TBC1D32: variants seen among roughly 807,000 people sequenced by gnomAD.
TBC1D32 encodes the protein protein broad-minded.
In TBC1D32, 151 loss-of-function variants were observed where a neutral mutation model predicts 170.3. The observed-to-expected ratio is 0.89, with a 90% confidence interval of 0.78 to 1.01. The LOEUF (loss-of-function observed/expected upper bound fraction) is 1.01. Ranked by LOEUF, TBC1D32 falls within the 50% of genes least tolerant of loss-of-function variation. TBC1D32 has a pLI of 0.00. For missense variants in TBC1D32, 1,464 were observed against 1,457.1 expected (o/e 1.00, Z -0.08); for synonymous variants, 498 against 488.0 (o/e 1.02, Z -0.27).
chr6:121,272,667 T>G (rs978441845), intron 15 of TBC1D32, among the ~76,000 whole-genome samples: 6 of 152,128 alleles, frequency 3.9e-5, no homozygotes, highest in South Asian at 4.1e-4. Context: ...GGTGGGACTG[T>G]AAACTAGTTC....
intron 22 of TBC1D32, among the ~76,000 whole-genome samples, chr6:121,180,156 A>C (rs1481511496): frequency 1.3e-5 from 2 of 152,134 alleles, no homozygotes; most frequent in Admixed American, 1.3e-4. Context: ...TGCAGATGTC[A>C]ATTCATCCAC....
At chr6:121,303,463 T>C (rs754035914) in intron 9 of TBC1D32, among the ~76,000 whole-genome samples, 154 bp downstream of exon 9, 2 of 152,110 alleles carry the variant, frequency 1.3e-5, no homozygotes, top group Non-Finnish European at 2.9e-5. Context: ...GGGGTATTAA[T>C]ACCACCAACC....
chr6:121,091,399 T>G (rs1453196325), intron 30 of TBC1D32, among the ~76,000 whole-genome samples: 2 of 147,790 alleles, frequency 1.4e-5, no homozygotes, highest in Non-Finnish European at 3.0e-5. Flanking sequence ...GAGATGGGAG[T>G]TTTTTTTTTC....
Position 121,115,205 on chromosome 6 carries a change from G to A in TBC1D32, c.3020C>T (p.Ser1007Phe), listed in dbSNP as rs745705955. ...DANVKNESLS[S>F]VQQLGIKMTV... ...CATTTTAATGCCAAGCTGCTGCACA[G>A]ATGAAAGACTTTCATTCTTCACATT... The change falls in exon 27 of 32, where the codon TCT becomes TTT. Residue 1007 changes from serine (S) to phenylalanine (F), a missense_variant. By Grantham distance (155) the Ser-to-Phe change is radical (BLOSUM62 -2). Around this residue, in one of 3 missense-constraint regions of TBC1D32, gnomAD observed 1,363 missense variants for 1,338.1 expected, o/e 1.02. Coordinates refer to ENST00000398212, the MANE Select transcript of TBC1D32 (RefSeq NM_152730.6). 1.4e-5 allele frequency: 23 copies of A among 1,602,102 alleles called. No individual in the cohort carries two copies. Among genetic ancestry groups the A allele is most frequent in the Non-Finnish European group, 2.0e-5 (23 of 1,172,968 alleles).
Position 121,080,691 on chromosome 6 carries a change from A to T in TBC1D32, c.*80T>A. On this transcript the variant is annotated 3_prime_UTR_variant, in exon 32 of 32. Transcript: ENST00000398212. ...GTATATTCACAAAGTAAATGTTGTT[A>T]CAGACACAGAAAAACATCAAGCCCC... 6.7e-7 allele frequency: 1 copy of T among 1,497,266 alleles called. No individual in the cohort carries two copies. Among genetic ancestry groups the T allele is most frequent in the African/African-American group, 1.4e-5 (1 of 70,710 alleles). 92.7% of individuals were successfully genotyped at this position (1,497,266 alleles called of 1,614,324 possible).
At chr6:121,241,353 A>G in intron 19 of TBC1D32, 112 bp downstream of exon 19, 3 of 913,436 alleles carry the variant, frequency 3.3e-6, no homozygotes, top group Non-Finnish European at 4.9e-6. Context: ...ACTTAGTAAA[A>G]AGAATTTTAG....
chr6:121,238,929 A>G (rs1295008029), intron 20 of TBC1D32, 141 bp downstream of exon 20: 1 of 450,934 alleles, frequency 2.2e-6, no homozygotes, highest in Non-Finnish European at 4.0e-6. Context: ...AATAAAAATA[A>G]TAGTTTGAAA....
chr6:121,162,115 T>A (rs1476025573), intron 22 of TBC1D32, among the ~76,000 whole-genome samples: 1 of 152,186 alleles, frequency 6.6e-6, no homozygotes, highest in Non-Finnish European at 1.5e-5. Context: ...ATGGCCAGAT[T>A]GCAAAAAGTC....
chr6:121,141,144 A>G (rs1259688093), intron 24 of TBC1D32, among the ~76,000 whole-genome samples: 2 of 152,104 alleles, frequency 1.3e-5, no homozygotes, highest in Non-Finnish European at 2.9e-5. Context: ...AAATACATAA[A>G]CTCACTGTAA....
At chr6:121,243,400 T>C (rs1050185303) in intron 17 of TBC1D32, among the ~76,000 whole-genome samples, 3 of 152,130 alleles carry the variant, frequency 2.0e-5, no homozygotes, top group Non-Finnish European at 2.9e-5. Context: ...AACCACCATC[T>C]GGCCAGAGGT....
intron 4 of TBC1D32, among the ~76,000 whole-genome samples, chr6:121,309,080 G>C (rs1486127435): frequency 1.3e-5 from 2 of 152,018 alleles, no homozygotes; most frequent in African/African-American, 2.4e-5. Context: ...AGACAAAATA[G>C]ACAAAGAATA....
intron 30 of TBC1D32, among the ~76,000 whole-genome samples, chr6:121,097,227 C>A (rs569635281): frequency 3.9e-5 from 6 of 151,978 alleles, no homozygotes; most frequent in Non-Finnish European, 8.8e-5. Flanking sequence ...AGCTTCTGCA[C>A]AGAAAAAGAA....
intron 30 of TBC1D32, among the ~76,000 whole-genome samples, chr6:121,102,293 C>A (rs1778199827): frequency 6.6e-6 from 1 of 151,998 alleles, no homozygotes; most frequent in Admixed American, 6.6e-5. Flanking sequence ...CAATCCTAAG[C>A]CAAAAGAACA....
chr6:121,170,376 G>C, intron 22 of TBC1D32: 2 of 1,561,212 alleles, frequency 1.3e-6, no homozygotes, highest in Non-Finnish European at 1.7e-6. Flanking sequence ...GAAAACTGCT[G>C]TTACTCTGTT....
At chr6:121,235,230 T>C (rs1796191124) in intron 20 of TBC1D32, among the ~76,000 whole-genome samples, 1 of 152,158 alleles carries the variant, frequency 6.6e-6, no homozygotes, top group South Asian at 2.1e-4. Context: ...TGTGATCCTG[T>C]AGGGAGGATG....
chr6:121,080,644 T>C lies in TBC1D32; in HGVS notation c.*127A>G, dbSNP rs1361295808. On this transcript the variant is annotated 3_prime_UTR_variant, in exon 32 of 32. Transcript: ENST00000398212. The stretch of plus-strand genomic sequence containing the variant: ...TCATACCTACTTAAATATATCGTTA[T>C]ACTTCTCAGTATTTACAATATGTAT... 1.1e-5 allele frequency: 13 copies of C among 1,208,598 alleles called. No individual in the cohort carries two copies. Among genetic ancestry groups the C allele is most frequent in the East Asian group, 5.2e-5 (2 of 38,342 alleles). The allele number at this position is 1,208,598 out of a possible 1,614,324, so 74.9% of individuals were successfully genotyped here.
intron 26 of TBC1D32, among the ~76,000 whole-genome samples, chr6:121,121,063 A>G (rs1780208765): frequency 6.6e-6 from 1 of 152,014 alleles, no homozygotes; most frequent in Non-Finnish European, 1.5e-5. Context: ...ATATATAATT[A>G]AATCTCATAT....
intron 17 of TBC1D32, among the ~76,000 whole-genome samples, chr6:121,247,140 C>T (rs1296861456): frequency 1.3e-5 from 2 of 152,094 alleles, no homozygotes; most frequent in African/African-American, 4.8e-5. Context: ...AGAAACCTTA[C>T]AAGCCAGAAG....
At chr6:121,089,303 CA>C (rs1180385579) in intron 31 of TBC1D32, among the ~76,000 whole-genome samples, 1 of 151,982 alleles carries the variant, frequency 6.6e-6, no homozygotes, top group East Asian at 1.9e-4. Context: ...GACAAAAACA[CA>C]TATAAAATAA....
Sources: allele counts gnomAD v4.1 joint callset (sites outside exome capture counted in the v4.1 genomes callset), GRCh38; gene constraint gnomAD v4.1.1; regional missense constraint gnomAD v4.1.1; transcripts MANE v1.5; gene names NCBI Gene and HGNC (gene_info 2026-07-23, HGNC 2026-07-21).